DLG1: variants seen among roughly 807,000 people sequenced by gnomAD.
DLG1 encodes disks large homolog 1.
DLG1 carries 42 observed loss-of-function variants against 123.4 expected under a neutral mutation model. That is an observed-to-expected ratio of 0.34 (90% CI 0.27 to 0.44). The LOEUF (loss-of-function observed/expected upper bound fraction) is 0.44, where lower values mean the gene tolerates loss of function less well. DLG1 is among the 20% of genes least tolerant of loss of function. The pLI is 1.00. For synonymous variants in DLG1, 317 were observed against 356.2 expected (o/e 0.89, Z 1.24); for missense variants, 942 against 1,082.6 (o/e 0.87, Z 1.82).
intron 13 of DLG1, among the ~76,000 whole-genome samples, chr3:197,113,123 T>G (rs1164228737): frequency 6.6e-6 from 1 of 152,220 alleles, no homozygotes; most frequent in Non-Finnish European, 1.5e-5. Flanking sequence ...CTAGGTATTA[T>G]AGCACCATTT....
chr3:197,294,886 T>A (rs184541373), intron 3 of DLG1, among the ~76,000 whole-genome samples: 136 of 152,128 alleles, frequency 8.9e-4, no homozygotes, highest in African/African-American at 3.2e-3. Flanking sequence ...CTGCAGTCTA[T>A]CTATCTGCCT....
chr3:197,254,929 G>A (rs1756130050), intron 4 of DLG1, among the ~76,000 whole-genome samples: 1 of 151,936 alleles, frequency 6.6e-6, no homozygotes, highest in African/African-American at 2.4e-5. Context: ...GGTGGCACGT[G>A]CTTGTAATCC....
At chr3:197,064,256 C>T (rs1157017178) in intron 22 of DLG1, among the ~76,000 whole-genome samples, 3 of 150,274 alleles carry the variant, frequency 2.0e-5, no homozygotes, top group Non-Finnish European at 4.4e-5. Flanking sequence ...TGCAACGGCA[C>T]GACCTCGGCT....
intron 11 of DLG1, among the ~76,000 whole-genome samples, chr3:197,124,534 A>G (rs1033109790): frequency 2.0e-5 from 3 of 151,952 alleles, no homozygotes; most frequent in Admixed American, 1.3e-4. Context: ...TCGGCCTCAC[A>G]AAGTGCTGGG....
chr3:197,298,450 C>T (rs943627460), intron 1 of DLG1, 86 bp downstream of exon 1: 7 of 398,650 alleles, frequency 1.8e-5, no homozygotes, highest in African/African-American at 1.2e-4. Context: ...TCCCGCAGTT[C>T]CGAACTAAAC....
chr3:197,158,634 CAAAAAAAAAAAAAAAAA>C (rs71623339), intron 5 of DLG1, among the ~76,000 whole-genome samples: 1 of 67,476 alleles, frequency 1.5e-5, no homozygotes, highest in Non-Finnish European at 2.8e-5. Context: ...AACTCCATTT[CAAAAAAAAAAAAAAAAA>C]AAAAAAGCCC....
chr3:197,133,607 A>G (rs1783719338), intron 10 of DLG1, among the ~76,000 whole-genome samples: 1 of 152,206 alleles, frequency 6.6e-6, no homozygotes, highest in African/African-American at 2.4e-5. Flanking sequence ...ACGCCAGAGA[A>G]AAGTTATTTG....
intron 5 of DLG1, among the ~76,000 whole-genome samples, chr3:197,152,512 C>T (rs1358143194): frequency 6.9e-6 from 1 of 145,134 alleles, no homozygotes; most frequent in African/African-American, 2.6e-5. Context: ...TGCGGTGGCT[C>T]ACGCCTGTAA....
intron 4 of DLG1, among the ~76,000 whole-genome samples, chr3:197,258,993 C>T (rs1209108174): frequency 1.3e-5 from 2 of 151,812 alleles, no homozygotes; most frequent in Non-Finnish European, 2.9e-5. Flanking sequence ...CCCTCTTTTG[C>T]TAAAAGAGTC....
At chr3:197,175,545 G>A (rs1028706091) in intron 5 of DLG1, among the ~76,000 whole-genome samples, 1 of 152,130 alleles carries the variant, frequency 6.6e-6, no homozygotes, top group Non-Finnish European at 1.5e-5. Context: ...AAATGGCTTG[G>A]GAAATTTACA....
chr3:197,297,311 C>G (rs1305820796), intron 1 of DLG1, 76 bp from the exon 2 acceptor site: 1 of 1,560,504 alleles, frequency 6.4e-7, no homozygotes, highest in Non-Finnish European at 8.6e-7. Flanking sequence ...AAATAGAAAA[C>G]CCTCGCAGCC....
intron 10 of DLG1, among the ~76,000 whole-genome samples, chr3:197,135,229 T>A (rs1157734834): frequency 6.6e-6 from 1 of 152,184 alleles, no homozygotes; most frequent in Admixed American, 6.5e-5. Flanking sequence ...AGACAGTTAT[T>A]GATTGATATG....
intron 4 of DLG1, among the ~76,000 whole-genome samples, chr3:197,215,562 T>C (rs1386755266): frequency 6.6e-6 from 1 of 152,052 alleles, no homozygotes; most frequent in Admixed American, 6.5e-5. Context: ...ACTGATTCTA[T>C]TCATCAGAAG....
At chr3:197,273,183 A>T (rs1478806488) in intron 4 of DLG1, among the ~76,000 whole-genome samples, 2 of 125,106 alleles carry the variant, frequency 1.6e-5, no homozygotes, top group African/African-American at 3.1e-5. Context: ...TGGTACACTG[A>T]ATATATGTGT....
At chr3:197,234,456 G>C (rs1366628292) in intron 4 of DLG1, among the ~76,000 whole-genome samples, 3 of 152,136 alleles carry the variant, frequency 2.0e-5, no homozygotes, top group Non-Finnish European at 1.5e-5. Context: ...CTTTTGAAAA[G>C]AATAAAAATG....
At chr3:197,051,141 AG>A (rs1727335476) in intron 24 of DLG1, among the ~76,000 whole-genome samples, 1 of 152,220 alleles carries the variant, frequency 6.6e-6, no homozygotes, top group Non-Finnish European at 1.5e-5. Flanking sequence ...TGACAGGCTG[AG>A]GCAGGTGGAT....
At chr3:197,065,159 A>C (rs1738694388) in intron 22 of DLG1, 117 bp downstream of exon 22, 4 of 945,792 alleles carry the variant, frequency 4.2e-6, no homozygotes, top group Non-Finnish European at 5.8e-6. Flanking sequence ...TTATTTAGGT[A>C]AGCAAATTCA....
intron 4 of DLG1, among the ~76,000 whole-genome samples, chr3:197,240,313 G>A (rs553910723): frequency 2.0e-5 from 3 of 152,102 alleles, no homozygotes; most frequent in Middle Eastern, 3.2e-3. Flanking sequence ...TCCCTCATTC[G>A]GGAAGAACAG....
chr3:197,116,261 A>G (rs1773211785), intron 12 of DLG1, among the ~76,000 whole-genome samples, 178 bp from the exon 13 acceptor site: 1 of 152,056 alleles, frequency 6.6e-6, no homozygotes, highest in African/African-American at 2.4e-5. Flanking sequence ...AAATCAAAGG[A>G]AAAAATCTAA....
Sources: gnomAD v4.1 joint callset for allele counts (sites outside exome capture counted in the v4.1 genomes callset) on GRCh38, gnomAD v4.1.1 for gene constraint, MANE v1.5 for transcripts, NCBI Gene and HGNC (gene_info 2026-07-23, HGNC 2026-07-21) for gene names.